SKA3: variants seen among roughly 807,000 people sequenced by gnomAD.
SKA3 encodes spindle and kinetochore associated complex subunit 3.
Under a neutral mutation model 44.2 loss-of-function variants are expected in SKA3, and 39 were observed. The observed-to-expected ratio is 0.88, with a 90% CI of 0.68 to 1.15. The LOEUF (loss-of-function observed/expected upper bound fraction) is 1.15. Ranked by LOEUF, SKA3 falls within the 50% of genes most tolerant of loss-of-function variation. SKA3 has a pLI of 0.00. For synonymous variants in SKA3, 192 were observed against 172.0 expected, an observed-to-expected ratio of 1.12 and a Z score of -0.91; for missense variants, 511 against 485.8, an observed-to-expected ratio of 1.05 and a Z score of -0.49.
chr13:21,161,744 G>A (rs753029411), intron 5 of SKA3, 46 bp downstream of exon 5: 43 of 1,420,902 alleles, frequency 3.0e-5, no homozygotes, highest in Non-Finnish European at 4.0e-5. Context: ...TTCAAAGATA[G>A]TTTGGGAAAA....
At chr13:21,164,349 G>A (rs1017046692) in intron 4 of SKA3, among the ~76,000 whole-genome samples, 7 of 151,866 alleles carry the variant, frequency 4.6e-5, no homozygotes, top group African/African-American at 1.7e-4. Flanking sequence ...TAGTTATTTT[G>A]GTTCTTTCCA....
chr13:21,163,277 G>A (rs1405761805), intron 4 of SKA3, among the ~76,000 whole-genome samples: 1 of 151,934 alleles, frequency 6.6e-6, no homozygotes, highest in East Asian at 1.9e-4. Context: ...TCCCAACTTG[G>A]TACCCATCTC....
intron 8 of SKA3, among the ~76,000 whole-genome samples, 194 bp downstream of exon 8, chr13:21,155,481 ACTGCAACCTCCGCCTCCC>A (rs932517356): frequency 6.7e-6 from 1 of 150,156 alleles, no homozygotes; most frequent in African/African-American, 2.5e-5. Context: ...ATCTTGGCTC[ACTGCAACCTCCGCCTCCC>A]AGATTCAAGC....
chr13:21,174,409 G>T (rs9552381), intron 1 of SKA3, among the ~76,000 whole-genome samples: 1 of 152,086 alleles, frequency 6.6e-6, no homozygotes, highest in Non-Finnish European at 1.5e-5. Flanking sequence ...CCATAAAAAA[G>T]GATAAGTTCA....
At chr13:21,164,425 T>C (rs985098228) in intron 4 of SKA3, among the ~76,000 whole-genome samples, 2 of 152,212 alleles carry the variant, frequency 1.3e-5, no homozygotes, top group Admixed American at 6.5e-5. Context: ...TAAGTTTTCG[T>C]AGAGGTAAAA....
chr13:21,155,408 ATTTTTT>A (rs369888291), intron 8 of SKA3, among the ~76,000 whole-genome samples: 1 of 145,044 alleles, frequency 6.9e-6, no homozygotes, highest in African/African-American at 2.5e-5. Context: ...TCAAATGTTA[ATTTTTT>A]TTTTTTTTTT....
At chr13:21,163,352 T>C (rs1489684180) in intron 4 of SKA3, among the ~76,000 whole-genome samples, 3 of 152,186 alleles carry the variant, frequency 2.0e-5, no homozygotes, top group Non-Finnish European at 4.4e-5. Flanking sequence ...GTACTCTTAA[T>C]ATAATTTTTG....
In SKA3 at chr13:21,176,411, C is replaced by A; in HGVS notation, c.67G>T (p.Ala23Ser). 1.9e-6 allele frequency: 3 copies of A among 1,583,132 alleles called. No individual in the cohort carries two copies. The highest frequency in any genetic ancestry group is 2.6e-6 in the Non-Finnish European group (3 of 1,165,554). Residue 23 changes from alanine (A) to serine (S), a missense_variant, in exon 1 of 9, where the codon GCC becomes TCC. Ala to Ser is a moderately conservative substitution (Grantham distance 99). Coordinates refer to ENST00000314759, the MANE Select transcript of SKA3 (RefSeq NM_145061.6). ...SLASTLDCET[A>S]RLQRALDGEE... Reference sequence around the variant, plus strand: ...CCGTCCAGCGCTCGCTGCAGCCGGGCCGTCTCGCAGTCCAGCGTGCTGGCC... The same window carrying A: ...CCGTCCAGCGCTCGCTGCAGCCGGGACGTCTCGCAGTCCAGCGTGCTGGCC...
In SKA3 at chr13:21,159,984, G is replaced by T; in HGVS notation, c.833C>A (p.Ala278Asp). Residue 278 changes from alanine to aspartate, a missense_variant, in exon 6 of 9, where the codon GCC becomes GAC. Physicochemically the swap from Ala to Asp is moderately radical, Grantham distance 126. Transcript: ENST00000314759. ...PIIQQLEKSD[A>D]EYTNSPLVPT... ...TACCAAAGGAGAGTTGGTATATTCGGCATCTAAAAGACACATAAAATGGTC... is the reference window on the plus strand; with the variant it reads ...TACCAAAGGAGAGTTGGTATATTCGTCATCTAAAAGACACATAAAATGGTC... 6.3e-7 allele frequency: 1 copy of T among 1,598,570 alleles called. No homozygotes were observed. The highest frequency in any genetic ancestry group is 8.5e-7 in the Non-Finnish European group (1 of 1,174,086).
Position 21,155,084 on chromosome 13 carries a change from A to G in SKA3, c.*66T>C, listed in dbSNP as rs989762509. 6.2e-7 allele frequency: 1 copy of G among 1,606,274 alleles called. No individual in the cohort carries two copies. Among genetic ancestry groups the G allele is most frequent in the Non-Finnish European group, 8.5e-7 (1 of 1,175,224 alleles). ...AGAGGCAGGGCAATGTGAATGTTAA[A>G]ATCGGTCCAGCTCGGCTTTCATCTC... On this transcript the variant is annotated 3_prime_UTR_variant, in exon 9 of 9. Coordinates refer to ENST00000314759, the MANE Select transcript of SKA3 (RefSeq NM_145061.6).
chr13:21,163,110 C>T (rs916644815), intron 4 of SKA3, among the ~76,000 whole-genome samples: 7 of 152,064 alleles, frequency 4.6e-5, no homozygotes, highest in African/African-American at 1.7e-4. Context: ...ACTCAACAAA[C>T]ATTTTGGCAC....
At chr13:21,166,491 T>TG (rs1870720071) in intron 4 of SKA3, among the ~76,000 whole-genome samples, 1 of 151,978 alleles carries the variant, frequency 6.6e-6, no homozygotes, top group African/African-American at 2.4e-5. Context: ...CCCAGCACTT[T>TG]GGGAGGCCGA....
At position 21,155,783 on chromosome 13, in the gene SKA3, G is replaced by A; in HGVS notation, c.1148C>T (p.Ala383Val). The A allele has an allele frequency of 3.1e-6, 5 of 1,596,446 alleles. No homozygotes were observed. In the East Asian group the frequency reaches 6.7e-5, roughly 21 times the overall value. Residue 383 changes from alanine (A) to valine (V), a missense_variant, in exon 8 of 9, where the codon GCT becomes GTT. Ala to Val is a moderately conservative substitution (Grantham distance 64). Transcript: ENST00000314759. ...CACTGCTTTAATTGCTATTGGAGTA[G>A]CTAGGTTTGAGTTGTATTTTGATAA... ...QLLSKYNSNL[A>V]TPIAIKAVPP...
At chr13:21,161,993 A>G in intron 4 of SKA3, 118 bp from the exon 5 acceptor site, 1 of 516,554 alleles carries the variant, frequency 1.9e-6, no homozygotes, top group South Asian at 4.3e-5. Context: ...GCTTTATGGT[A>G]CAGAAGTCCC....
chr13:21,154,147 G>A lies in SKA3; in HGVS notation c.*1003C>T, dbSNP rs1026794216. On this transcript the variant is annotated 3_prime_UTR_variant, in exon 9 of 9. Coordinates refer to ENST00000314759, the MANE Select transcript of SKA3 (RefSeq NM_145061.6). ...TTTGAAGTAAGTTGACATAATACTT[G>A]TTGTTTCTTCTCAAATTTTTAATGG... 6.6e-6 allele frequency: 1 copy of A among 152,164 alleles called. No individual in the cohort carries two copies. Among genetic ancestry groups the A allele is most frequent in the East Asian group, 1.9e-4 (1 of 5,200 alleles). 9.4% of individuals were successfully genotyped at this position (152,164 alleles called of 1,614,324 possible).
chr13:21,157,858 T>A, intron 7 of SKA3, 64 bp downstream of exon 7: 1 of 1,219,404 alleles, frequency 8.2e-7, no homozygotes, highest in Non-Finnish European at 1.2e-6. Context: ...GTTTCAGGTC[T>A]TTAAATATTT....
chr13:21,171,784 GATA>G (rs1350881006), intron 3 of SKA3, among the ~76,000 whole-genome samples: 3 of 152,128 alleles, frequency 2.0e-5, no homozygotes, highest in African/African-American at 7.2e-5. Context: ...ACTTGACAAA[GATA>G]ATAATACAGC....
At chr13:21,156,412 A>T (rs1048657961) in intron 7 of SKA3, among the ~76,000 whole-genome samples, 3 of 152,180 alleles carry the variant, frequency 2.0e-5, no homozygotes, top group Non-Finnish European at 4.4e-5. Context: ...GAAGGTCATC[A>T]ATTATAAAAA....
Position 21,176,510 on chromosome 13 carries a change from C to A in SKA3, c.-33G>T. ...ACAGCGGGGAAGGACTCCAGGCGTA[C>A]GCAGACCCCACCGCTCAGCTCACAG... On this transcript the variant is annotated 5_prime_UTR_variant, in exon 1 of 9. Transcript: ENST00000314759. 5.6e-6 allele frequency: 8 copies of A among 1,430,970 alleles called. No homozygotes were observed. The highest frequency in any genetic ancestry group is 7.4e-6 in the Non-Finnish European group (8 of 1,076,596). 88.6% of individuals were successfully genotyped at this position (1,430,970 alleles called of 1,614,324 possible).
Sources: allele counts gnomAD v4.1 joint callset (sites outside exome capture counted in the v4.1 genomes callset), GRCh38; gene constraint gnomAD v4.1.1; transcripts MANE v1.5; gene names NCBI Gene and HGNC (gene_info 2026-07-23, HGNC 2026-07-21).